MYOF: variants seen among roughly 807,000 people sequenced by gnomAD.
The protein encoded by MYOF is myoferlin.
In MYOF, 244 loss-of-function variants were observed where a neutral mutation model predicts 284.2. That is an observed-to-expected ratio of 0.86 (90% CI 0.77 to 0.95). The LOEUF is 0.95. Ranked by LOEUF, MYOF falls within the 40% of genes least tolerant of loss-of-function variation. MYOF has a pLI of 0.00. For synonymous variants in MYOF, 904 were observed against 919.7 expected, an observed-to-expected ratio of 0.98 and a Z score of 0.31; for missense variants, 2,496 against 2,560.6, an observed-to-expected ratio of 0.97 and a Z score of 0.54.
In MYOF at chr10:93,369,110, CTTTTT is replaced by C. The variant is rs66923086; in HGVS notation, c.2589+530_2589+534del. 6.0e-4 allele frequency among the ~76,000 whole-genome samples: 47 copies of C among 78,308 alleles called. 4 individuals are homozygous for C. In the South Asian group the frequency reaches 0.016, roughly 27 times the overall value. 51.4% of individuals were successfully genotyped at this position (78,308 alleles called of 152,430 possible). ...TATTGTTTTAGAAGTATTCAGACAG[CTTTTT>C]TTTTTTTTTTTTTTTTTGCCCCTGG... On this transcript the variant is annotated intron_variant, in intron 25 of 53. Transcript: ENST00000359263.
At chr10:93,447,093 A>G (rs1254085436) in intron 3 of MYOF, among the ~76,000 whole-genome samples, 1 of 152,114 alleles carries the variant, frequency 6.6e-6, no homozygotes, top group East Asian at 1.9e-4. Context: ...GTGCCCCTGA[A>G]CCTTAGAAGG....
intron 29 of MYOF, 138 bp from the exon 30 acceptor site, chr10:93,356,986 G>T: frequency 1.1e-6 from 1 of 919,458 alleles, no homozygotes; most frequent in Non-Finnish European, 1.6e-6. Context: ...GCTAGAGTCA[G>T]GAATACAGAA....
At chr10:93,393,226 G>A (rs912461788) in intron 16 of MYOF, among the ~76,000 whole-genome samples, 3 of 152,174 alleles carry the variant, frequency 2.0e-5, no homozygotes, top group Admixed American at 1.3e-4. Flanking sequence ...TAGCTTCCCG[G>A]GGACAGAGGG....
At chr10:93,398,462 G>C (rs1036514927) in intron 13 of MYOF, among the ~76,000 whole-genome samples, 6 of 152,060 alleles carry the variant, frequency 3.9e-5, no homozygotes, top group Non-Finnish European at 7.4e-5. Context: ...CCATGTGTTC[G>C]TTTCTATATC....
intron 7 of MYOF, among the ~76,000 whole-genome samples, chr10:93,407,320 C>T (rs758902667): frequency 7.0e-6 from 1 of 141,924 alleles, no homozygotes; most frequent in Admixed American, 7.3e-5. Flanking sequence ...CAGCTACTTG[C>T]GAGGCTGAGG....
intron 12 of MYOF, among the ~76,000 whole-genome samples, chr10:93,399,803 C>T (rs977173721): frequency 6.6e-6 from 1 of 152,050 alleles, no homozygotes; most frequent in Non-Finnish European, 1.5e-5. Flanking sequence ...ACCTGGGAGG[C>T]GGAGATTGCA....
intron 26 of MYOF, 93 bp downstream of exon 26, chr10:93,366,299 T>C: frequency 5.2e-6 from 7 of 1,350,166 alleles, no homozygotes; most frequent in Non-Finnish European, 7.2e-6. Context: ...TACATAACTA[T>C]TATCAAGATG....
chr10:93,357,225 GTA>G (rs1391644402), intron 29 of MYOF, among the ~76,000 whole-genome samples: 1 of 152,164 alleles, frequency 6.6e-6, no homozygotes, highest in Non-Finnish European at 1.5e-5. Flanking sequence ...TAAAACATTA[GTA>G]TCTCCATTTT....
At position 93,413,667 on chromosome 10, in the gene MYOF, C is replaced by A. The variant is rs142173806; in HGVS notation, c.434-3928G>T. 3.2e-4 allele frequency among the ~76,000 whole-genome samples: 48 copies of A among 152,310 alleles called. No homozygotes were observed. In the East Asian group the frequency reaches 9.3e-3, roughly 29 times the overall value. On this transcript the variant is annotated intron_variant, in intron 5 of 53. Coordinates refer to ENST00000359263, the MANE Select transcript of MYOF (RefSeq NM_013451.4). The stretch of plus-strand genomic sequence containing the variant: ...TTCTGAAGGCTGTCGCAGGAAGTCC[C>A]ACAAACTGGGTGACTTAAAACAATA...
chr10:93,374,235 C>T (rs887470589), intron 23 of MYOF, among the ~76,000 whole-genome samples: 1 of 152,188 alleles, frequency 6.6e-6, no homozygotes, highest in Non-Finnish European at 1.5e-5. Flanking sequence ...TGTATATGTG[C>T]CACATTTTCT....
Position 93,472,675 on chromosome 10 carries a change from T to C in MYOF, c.88+9432A>G, listed in dbSNP as rs1380992369. ...AAAAACAAAAACAAAAACAAAACTG[T>C]ACACTTAAAATAGTTAAGATGGTAA... On this transcript the variant is annotated intron_variant, in intron 1 of 53. Transcript: ENST00000359263. Among the ~76,000 whole-genome samples, 4 of 152,132 alleles carry C rather than the reference T, an allele frequency of 2.6e-5. No individual in the cohort carries two copies. In the East Asian group the frequency reaches 5.8e-4, roughly 22 times the overall value.
At chr10:93,420,149 T>A (rs535408209) in intron 5 of MYOF, among the ~76,000 whole-genome samples, 13 of 152,304 alleles carry the variant, frequency 8.5e-5, no homozygotes, top group Non-Finnish European at 1.8e-4. Context: ...ACTTTGGGAT[T>A]CGTGGAATGA....
rs542310797 is a variant in MYOF at position 93,372,032 on chromosome 10, A to C, written c.2457+898T>G. The stretch of plus-strand genomic sequence containing the variant: ...TATTCTACCAAGAGACACTTGAAAG[A>C]AGATAATCACTCTGATTCTATTTAC... On this transcript the variant is annotated intron_variant, in intron 24 of 53. Coordinates refer to ENST00000359263, the MANE Select transcript of MYOF (RefSeq NM_013451.4). 1.2e-3 allele frequency among the ~76,000 whole-genome samples: 190 copies of C among 152,344 alleles called. 1 individual carries two copies. The highest frequency in any genetic ancestry group is 2.4e-3 in the Non-Finnish European group (163 of 68,032).
intron 1 of MYOF, among the ~76,000 whole-genome samples, chr10:93,461,729 T>G (rs2056888312): frequency 6.6e-6 from 1 of 152,130 alleles, no homozygotes; most frequent in African/African-American, 2.4e-5. Context: ...ACGGGCTTTG[T>G]GGGAAGGTTA....
chr10:93,432,037 C>T (rs1475169291), intron 3 of MYOF, among the ~76,000 whole-genome samples: 1 of 152,070 alleles, frequency 6.6e-6, no homozygotes, highest in Non-Finnish European at 1.5e-5. Flanking sequence ...CGTGAGTCAC[C>T]ACTCTCAGCC....
chr10:93,388,049 A>G (rs1846483128), intron 18 of MYOF, 136 bp from the exon 19 acceptor site: 1 of 684,180 alleles, frequency 1.5e-6, no homozygotes, highest in Non-Finnish European at 2.6e-6. Flanking sequence ...TCAGTCGGCA[A>G]CTCTCCCAGC....
At chr10:93,353,420 T>G (rs1242678886) in intron 32 of MYOF, among the ~76,000 whole-genome samples, 4 of 152,116 alleles carry the variant, frequency 2.6e-5, no homozygotes, top group Non-Finnish European at 5.9e-5. Flanking sequence ...TGGGCAAACT[T>G]ATCATCTTTT....
chr10:93,324,020 A>G (rs955410604), intron 46 of MYOF, among the ~76,000 whole-genome samples: 3 of 152,210 alleles, frequency 2.0e-5, no homozygotes, highest in Non-Finnish European at 2.9e-5. Flanking sequence ...ATTAGTGCCC[A>G]CCACCAGGTA....
Position 93,431,394 on chromosome 10 carries a change from G to A in MYOF, c.345+14C>T, listed in dbSNP as rs1203081602. On this transcript the variant is annotated intron_variant, in intron 4 of 53. Transcript: ENST00000359263. ...CTCACTTCAAAGCCATTCAATAAGA[G>A]AGAAAACACTCACCCCAGTATCTTG... 2 of 1,609,614 alleles carry A rather than the reference G, an allele frequency of 1.2e-6. No homozygotes were observed. Among genetic ancestry groups the A allele is most frequent in the Non-Finnish European group, 8.5e-7 (1 of 1,176,278 alleles).
Sources: allele counts gnomAD v4.1 joint callset (sites outside exome capture counted in the v4.1 genomes callset), GRCh38; gene constraint gnomAD v4.1.1; transcripts MANE v1.5; gene names NCBI Gene and HGNC (gene_info 2026-07-23, HGNC 2026-07-21).